Variants in WDR70 observed in about 807,000 individuals in gnomAD.
WDR70 encodes WD repeat domain 70, also known as WD repeat-containing protein 70.
WDR70 carries 53 observed loss-of-function variants against 88.6 expected under a neutral mutation model. The observed-to-expected ratio is 0.60, with a 90% CI of 0.48 to 0.75. The LOEUF is 0.75. WDR70 is among the 30% of genes least tolerant of loss of function. The pLI is 0.00. For synonymous variants in WDR70, 280 were observed against 270.0 expected, an observed-to-expected ratio of 1.04 and a Z score of -0.36; for missense variants, 610 against 823.2, an observed-to-expected ratio of 0.74 and a Z score of 3.17.
At chr5:37,478,040 A>G (rs761400718) in intron 7 of WDR70, among the ~76,000 whole-genome samples, 3 of 152,184 alleles carry the variant, frequency 2.0e-5, no homozygotes, top group Non-Finnish European at 2.9e-5. Context: ...GGGGCAGAAA[A>G]ACATGCTTCA....
chr5:37,414,274 C>T (rs1423743973), intron 5 of WDR70, among the ~76,000 whole-genome samples: 1 of 152,140 alleles, frequency 6.6e-6, no homozygotes, highest in African/African-American at 2.4e-5. Context: ...TTATCCCCTT[C>T]TACCCCCTGG....
intron 10 of WDR70, among the ~76,000 whole-genome samples, chr5:37,613,474 G>A (rs1744244492): frequency 6.6e-6 from 1 of 152,154 alleles, no homozygotes; most frequent in South Asian, 2.1e-4. Flanking sequence ...GGTAGGAGAA[G>A]CCTGTAAAAG....
chr5:37,652,166 G>C (rs1216531540), intron 10 of WDR70, among the ~76,000 whole-genome samples: 2 of 152,224 alleles, frequency 1.3e-5, no homozygotes, highest in African/African-American at 4.8e-5. Flanking sequence ...TGGCTAGCCA[G>C]TTTTCCCAAC....
chr5:37,471,867 A>G (rs1348840236), intron 7 of WDR70, among the ~76,000 whole-genome samples: 1 of 151,944 alleles, frequency 6.6e-6, no homozygotes, highest in Admixed American at 6.5e-5. Context: ...TGCTTTCATC[A>G]CTTTTGTCAT....
chr5:37,673,642 T>C (rs1273214697), intron 10 of WDR70, among the ~76,000 whole-genome samples: 1 of 138,330 alleles, frequency 7.2e-6, no homozygotes, highest in East Asian at 2.3e-4. Context: ...GGGGTACATG[T>C]GCAGGATGTG....
intron 10 of WDR70, among the ~76,000 whole-genome samples, chr5:37,621,710 G>A (rs958729719): frequency 1.3e-5 from 2 of 152,092 alleles, no homozygotes; most frequent in Admixed American, 6.6e-5. Flanking sequence ...TTCTTTTGCT[G>A]TGCAGAAGCT....
At chr5:37,482,002 A>G (rs890391490) in intron 8 of WDR70, among the ~76,000 whole-genome samples, 2 of 152,178 alleles carry the variant, frequency 1.3e-5, no homozygotes, top group African/African-American at 4.8e-5. Flanking sequence ...GTCTTTGCAT[A>G]GTAAGAGTGA....
At chr5:37,564,393 G>A (rs1051580205) in intron 9 of WDR70, among the ~76,000 whole-genome samples, 4 of 152,198 alleles carry the variant, frequency 2.6e-5, no homozygotes, top group African/African-American at 9.6e-5. Context: ...CAGGTGTGGC[G>A]GCTTGCGCCT....
intron 8 of WDR70, among the ~76,000 whole-genome samples, chr5:37,480,454 T>C (rs1397462553): frequency 6.6e-6 from 1 of 152,216 alleles, no homozygotes; most frequent in Admixed American, 6.5e-5. Context: ...CAGTTCTGCA[T>C]GGCTGGAGAG....
At chr5:37,467,440 G>T (rs1267781562) in intron 7 of WDR70, among the ~76,000 whole-genome samples, 1 of 151,770 alleles carries the variant, frequency 6.6e-6, no homozygotes, top group Admixed American at 6.6e-5. Context: ...CACCATAGGG[G>T]CTCTATTCTC....
At chr5:37,701,035 T>C (rs1747145900) in intron 11 of WDR70, 23 bp from the exon 12 acceptor site, 1 of 1,500,632 alleles carries the variant, frequency 6.7e-7, no homozygotes, top group East Asian at 2.3e-5. Flanking sequence ...TCTGTCTTTT[T>C]TTTCCCCTCA....
At chr5:37,559,800 A>G (rs1001255745) in intron 9 of WDR70, among the ~76,000 whole-genome samples, 9 of 151,718 alleles carry the variant, frequency 5.9e-5, no homozygotes, top group African/African-American at 2.2e-4. Context: ...AGCTGAGATC[A>G]CGCCGTTGCA....
chr5:37,424,584 C>T (rs1036303954), intron 5 of WDR70, among the ~76,000 whole-genome samples: 1 of 151,300 alleles, frequency 6.6e-6, no homozygotes, highest in Middle Eastern at 3.4e-3. Context: ...TTTTTATTTT[C>T]GTTTTTGTAG....
intron 10 of WDR70, among the ~76,000 whole-genome samples, chr5:37,621,756 G>C (rs1207855383): frequency 6.6e-6 from 1 of 152,074 alleles, no homozygotes. Flanking sequence ...GTCAATTTTG[G>C]CTTTTGTTGC....
At chr5:37,685,943 C>T (rs954046453) in intron 10 of WDR70, among the ~76,000 whole-genome samples, 2 of 152,184 alleles carry the variant, frequency 1.3e-5, no homozygotes, top group Non-Finnish European at 2.9e-5. Flanking sequence ...TCTGTCTACT[C>T]GCAGTGTCTT....
chr5:37,700,864 G>A (rs1287039169), intron 11 of WDR70, among the ~76,000 whole-genome samples, 194 bp from the exon 12 acceptor site: 1 of 152,142 alleles, frequency 6.6e-6, no homozygotes, highest in Non-Finnish European at 1.5e-5. Context: ...TAAGCTCTCT[G>A]AACGGTTAAA....
intron 9 of WDR70, among the ~76,000 whole-genome samples, chr5:37,560,091 A>G (rs1052855182): frequency 6.6e-6 from 1 of 152,180 alleles, no homozygotes; most frequent in African/African-American, 2.4e-5. Flanking sequence ...TAGTTAGCCA[A>G]CTTAAGCAAA....
chr5:37,573,110 G>A (rs1280337659), intron 9 of WDR70, among the ~76,000 whole-genome samples: 3 of 152,064 alleles, frequency 2.0e-5, no homozygotes, highest in Non-Finnish European at 4.4e-5. Context: ...TTCTTGTACT[G>A]TTCTTTAACA....
chr5:37,516,636 A>G (rs760135096), intron 9 of WDR70, 46 bp downstream of exon 9: 1 of 1,345,864 alleles, frequency 7.4e-7, no homozygotes, highest in South Asian at 1.4e-5. Flanking sequence ...ATCTTTAGGT[A>G]TTTTATTTAA....
Sources: gnomAD v4.1 joint callset for allele counts (sites outside exome capture counted in the v4.1 genomes callset) on GRCh38, gnomAD v4.1.1 for gene constraint, MANE v1.5 for transcripts, NCBI Gene and HGNC (gene_info 2026-07-23, HGNC 2026-07-21) for gene names.